The following HK1 variants were observed in gnomAD, a reference collection of about 807,000 sequenced individuals.
HK1 encodes hexokinase 1.
In HK1, 28 loss-of-function variants were observed where a neutral mutation model predicts 91.6. The observed-to-expected ratio is 0.31, with a 90% CI of 0.23 to 0.42. The LOEUF (loss-of-function observed/expected upper bound fraction) is 0.42, where lower values mean the gene tolerates loss of function less well. HK1 is among the 10% of genes least tolerant of loss of function. The pLI, the probability that HK1 is intolerant of heterozygous loss-of-function variation, is 1.00. For missense variants in HK1, 770 were observed against 1,219.8 expected (o/e 0.63, Z 5.49); for synonymous variants, 430 against 468.1 (o/e 0.92, Z 1.05).
chr10:69,303,560 G>A (rs7905437), intron 5 of HK1, among the ~76,000 whole-genome samples: 3,197 of 152,222 alleles, frequency 0.021, 110 homozygotes, highest in African/African-American at 0.071. Flanking sequence ...AGACAGTAGC[G>A]GAGTCAACCC....
intron 4 of HK1, among the ~76,000 whole-genome samples, chr10:69,366,189 G>C (rs1380746402): frequency 6.6e-6 from 1 of 152,132 alleles, no homozygotes; most frequent in Non-Finnish European, 1.5e-5. Flanking sequence ...GCATCTCTAT[G>C]AGTTAAGTGC....
At chr10:69,286,736 G>T in intron 2 of HK1, among the ~76,000 whole-genome samples, 1 of 136,250 alleles carries the variant, frequency 7.3e-6, no homozygotes, top group East Asian at 2.3e-4. Flanking sequence ...TTAGTAGAGA[G>T]GGGGTTTCAC....
upstream of HK1, among the ~76,000 whole-genome samples, chr10:69,318,450 C>T (rs1846777687): frequency 6.6e-6 from 1 of 152,216 alleles, no homozygotes; most frequent in African/African-American, 2.4e-5. Flanking sequence ...CCTAGACTAG[C>T]CCTAGGGGCT....
At position 69,380,449 on chromosome 10, in the gene HK1, C is replaced by G. The variant is rs1432712002; in HGVS notation, c.1265+354C>G. ...CTTCTGCACTCTGTCGTTACCTCGC[C>G]CTGTCAAAAGTCGAGATGGAGATTT... On this transcript the variant is annotated intron_variant, in intron 9 of 17. Transcript: ENST00000359426. This position sits in a 1 kb window ranked among gnomAD's most constrained non-coding sequence, Gnocchi z 4.0. Among the ~76,000 whole-genome samples the G allele has an allele frequency of 6.6e-6, 1 of 152,156 alleles. No homozygotes were observed. Among genetic ancestry groups the G allele is most frequent in the Non-Finnish European group, 1.5e-5 (1 of 68,030 alleles).
At chr10:69,283,950 C>T (rs1407050120) in intron 2 of HK1, among the ~76,000 whole-genome samples, 5 of 152,148 alleles carry the variant, frequency 3.3e-5, no homozygotes, top group Non-Finnish European at 7.3e-5. Flanking sequence ...CAAGGATACA[C>T]AGTAATTTGT....
chr10:69,335,325 A>G (rs993551888), intron 1 of HK1, among the ~76,000 whole-genome samples: 3 of 152,102 alleles, frequency 2.0e-5, no homozygotes, highest in African/African-American at 7.2e-5. Flanking sequence ...AAGGGGAAGG[A>G]GCAGATCGGA....
intron 15 of HK1, among the ~76,000 whole-genome samples, chr10:69,393,348 G>A (rs903752594): frequency 7.3e-5 from 11 of 150,954 alleles, no homozygotes; most frequent in African/African-American, 2.4e-4. Context: ...TGTTGTCCAG[G>A]CTAGAGTGCA....
chr10:69,323,388 C>A (rs1847155460), intron 1 of HK1, among the ~76,000 whole-genome samples: 1 of 151,624 alleles, frequency 6.6e-6, no homozygotes, highest in Non-Finnish European at 1.5e-5. Flanking sequence ...GCTTTGGTGG[C>A]ATGCACACAC....
intron 1 of HK1, among the ~76,000 whole-genome samples, chr10:69,335,633 C>G (rs1027734130): frequency 1.3e-5 from 2 of 152,212 alleles, no homozygotes; most frequent in African/African-American, 2.4e-5. Flanking sequence ...CTCATTCTTG[C>G]CCAGGGTGTT....
At chr10:69,293,722 G>C (rs939104128) in intron 3 of HK1, among the ~76,000 whole-genome samples, 1 of 152,144 alleles carries the variant, frequency 6.6e-6, no homozygotes, top group Non-Finnish European at 1.5e-5. Flanking sequence ...ACTGGCTGTA[G>C]GCAAGGGTGG....
Position 69,401,510 on chromosome 10 carries a change from G to A in HK1, c.*375G>A. On this transcript the variant is annotated 3_prime_UTR_variant, in exon 18 of 18. Transcript: ENST00000359426. The stretch of plus-strand genomic sequence containing the variant: ...TTCTGGGCCTCCAAAGCCCATCCTT[G>A]GGGTTCCCCCTCCCTGTGTGAAATG... 2.8e-6 allele frequency: 1 copy of A among 362,578 alleles called. No homozygotes were observed. The highest frequency in any genetic ancestry group is 5.3e-6 in the Non-Finnish European group (1 of 187,914). 22.5% of individuals were successfully genotyped at this position (362,578 alleles called of 1,614,324 possible).
At chr10:69,358,029 A>G (rs778037686) in intron 2 of HK1, among the ~76,000 whole-genome samples, 1 of 152,198 alleles carries the variant, frequency 6.6e-6, no homozygotes, top group Admixed American at 6.5e-5. Flanking sequence ...GTTACATAAG[A>G]TATAATGATA....
chr10:69,386,487 G>A, intron 13 of HK1, 69 bp downstream of exon 13: 1 of 1,303,276 alleles, frequency 7.7e-7, no homozygotes, highest in South Asian at 1.2e-5. Flanking sequence ...GTATTTGCCT[G>A]TTGTAAAGAA....
intron 14 of HK1, 80 bp from the exon 15 acceptor site, chr10:69,392,045 C>T: frequency 6.9e-7 from 1 of 1,453,650 alleles, no homozygotes; most frequent in Admixed American, 1.7e-5. Context: ...TGTGGAACCT[C>T]AGGCCCCAGA....
chr10:69,376,119 G>C (rs1331113765), intron 7 of HK1, among the ~76,000 whole-genome samples: 1 of 152,192 alleles, frequency 6.6e-6, no homozygotes, highest in East Asian at 1.9e-4. Context: ...GCCCCAGGGG[G>C]AGTGGCTGCC....
intron 2 of HK1, among the ~76,000 whole-genome samples, chr10:69,283,315 G>A (rs538758432): frequency 5.3e-5 from 8 of 149,556 alleles, no homozygotes; most frequent in Non-Finnish European, 7.4e-5. Context: ...TTAGCCTGAC[G>A]TGGTGGTGCA....
chr10:69,306,167 T>C (rs1233712793), intron 5 of HK1, among the ~76,000 whole-genome samples: 2 of 151,718 alleles, frequency 1.3e-5, no homozygotes, highest in African/African-American at 2.4e-5. Context: ...CTATCCTGGC[T>C]AACAGTGAAA....
At chr10:69,322,786 AG>A (rs1847115111) in intron 1 of HK1, among the ~76,000 whole-genome samples, 1 of 151,864 alleles carries the variant, frequency 6.6e-6, no homozygotes, top group South Asian at 2.1e-4. Flanking sequence ...GCTACTTGGG[AG>A]GCTGAGGCCG....
intron 10 of HK1, 69 bp from the exon 11 acceptor site, chr10:69,384,264 C>A: frequency 6.3e-7 from 1 of 1,591,396 alleles, no homozygotes; most frequent in Non-Finnish European, 8.6e-7. Flanking sequence ...AGTCTGGAGT[C>A]TTGGGGTTAC....
Sources: allele counts gnomAD v4.1 joint callset (sites outside exome capture counted in the v4.1 genomes callset), GRCh38; gene constraint gnomAD v4.1.1; non-coding constraint Gnocchi (gnomAD v3.1); transcripts MANE v1.5; gene names NCBI Gene and HGNC (gene_info 2026-07-23, HGNC 2026-07-21).